Variants in SORCS1 observed in about 807,000 individuals in gnomAD.
SORCS1 encodes the protein sortilin related VPS10 domain containing receptor 1.
Under a neutral mutation model 146.1 loss-of-function variants are expected in SORCS1, and 60 were observed. The ratio of observed to expected loss-of-function variants is 0.41; its 90% CI spans 0.33 to 0.51. The LOEUF is 0.51. SORCS1 is among the 20% of genes least tolerant of loss of function. The probability of loss-of-function intolerance (pLI) is 0.21; values close to 1 mark genes in which losing one functional copy is unlikely to be tolerated. For missense variants in SORCS1, 1,352 were observed against 1,487.6 expected, an observed-to-expected ratio of 0.91 and a Z score of 1.50; for synonymous variants, 637 against 584.0, an observed-to-expected ratio of 1.09 and a Z score of -1.31.
At chr10:107,100,006 T>C (rs1231809545) in intron 1 of SORCS1, among the ~76,000 whole-genome samples, 1 of 152,208 alleles carries the variant, frequency 6.6e-6, no homozygotes, top group Admixed American at 6.5e-5. Flanking sequence ...CATTTGCACA[T>C]GCAGAAAGGG....
chr10:107,059,682 T>G (rs1960990239), intron 1 of SORCS1, among the ~76,000 whole-genome samples: 2 of 152,090 alleles, frequency 1.3e-5, no homozygotes, highest in South Asian at 2.1e-4. Flanking sequence ...TGTTTAGGGC[T>G]TTGACTATGA....
intron 1 of SORCS1, among the ~76,000 whole-genome samples, chr10:107,147,532 C>T (rs766332007): frequency 5.9e-5 from 9 of 152,086 alleles, no homozygotes; most frequent in Non-Finnish European, 1.0e-4. Flanking sequence ...TTCTCTCTCC[C>T]CTCTCTCTTC....
intron 4 of SORCS1, among the ~76,000 whole-genome samples, chr10:106,772,148 G>C (rs917894397): frequency 6.6e-6 from 1 of 152,142 alleles, no homozygotes; most frequent in Non-Finnish European, 1.5e-5. Flanking sequence ...TCCAGTGTGG[G>C]CAAGCATCAT....
chr10:106,826,148 G>A (rs1948295091), intron 3 of SORCS1, among the ~76,000 whole-genome samples: 1 of 152,248 alleles, frequency 6.6e-6, no homozygotes. Flanking sequence ...TTTCCAACAT[G>A]ATGATTGAAG....
chr10:106,678,585 G>C (rs904275273), intron 12 of SORCS1, among the ~76,000 whole-genome samples: 2 of 152,146 alleles, frequency 1.3e-5, no homozygotes, highest in Admixed American at 6.5e-5. Context: ...ATTGATTGAA[G>C]TATAACAACC....
Position 106,956,555 on chromosome 10 carries a change from T to C in SORCS1, c.584A>G (p.Tyr195Cys), listed in dbSNP as rs1267658361. Residue 195 changes from tyrosine to cysteine, a missense_variant, in exon 2 of 26, where the codon TAT (tyrosine) becomes TGT (cysteine). Tyr to Cys is a radical substitution (Grantham distance 194). Transcript: ENST00000263054. ...TGTGATGCTCCCCAGGTTATAGTCA[T>C]AGAGCTTTGTCAAAATGAGAATCAC... ...SSVILILTKLYDYNLGSITES... is the reference protein window; with the variant it reads ...SSVILILTKLCDYNLGSITES... 9 of 1,614,196 alleles carry C rather than the reference T, an allele frequency of 5.6e-6. No individual in the cohort carries two copies. The highest frequency in any genetic ancestry group is 2.2e-5 in the East Asian group (1 of 44,892).
chr10:106,782,877 C>G (rs1053350652), intron 3 of SORCS1, among the ~76,000 whole-genome samples: 1 of 152,178 alleles, frequency 6.6e-6, no homozygotes, highest in Admixed American at 6.5e-5. Flanking sequence ...TTCTGTTCCA[C>G]AGGAAGAGCC....
At chr10:106,869,743 T>A (rs1242451052) in intron 2 of SORCS1, among the ~76,000 whole-genome samples, 4 of 152,158 alleles carry the variant, frequency 2.6e-5, no homozygotes, top group Admixed American at 2.0e-4. Flanking sequence ...TCATACTGAA[T>A]GGGCAACAGC....
At chr10:107,035,328 T>C (rs187734655) in intron 1 of SORCS1, among the ~76,000 whole-genome samples, 94 of 151,324 alleles carry the variant, frequency 6.2e-4, no homozygotes, top group African/African-American at 2.1e-3. Flanking sequence ...CGCATGGTTC[T>C]CTTTGGAGGA....
chr10:106,668,914 C>A (rs1310647916), intron 16 of SORCS1, among the ~76,000 whole-genome samples: 1 of 152,160 alleles, frequency 6.6e-6, no homozygotes, highest in Non-Finnish European at 1.5e-5. Context: ...CCTTTCATTA[C>A]ACTACAGCCA....
intron 6 of SORCS1, among the ~76,000 whole-genome samples, chr10:106,724,029 A>G (rs891536445): frequency 5.3e-5 from 8 of 152,162 alleles, no homozygotes; most frequent in Admixed American, 2.6e-4. Context: ...GGCAGGTCTG[A>G]TAACTACTAC....
At chr10:107,007,260 G>A (rs954838044) in intron 1 of SORCS1, among the ~76,000 whole-genome samples, 8 of 152,212 alleles carry the variant, frequency 5.3e-5, no homozygotes, top group African/African-American at 1.9e-4. Context: ...TTTAACTGGT[G>A]CAGGATCTTG....
chr10:106,907,506 C>A (rs1951960795), intron 2 of SORCS1, among the ~76,000 whole-genome samples: 1 of 151,918 alleles, frequency 6.6e-6, no homozygotes, highest in South Asian at 2.1e-4. Flanking sequence ...ACAGTGGATT[C>A]TATATTATTT....
chr10:106,682,141 A>G (rs1445564199), intron 10 of SORCS1, among the ~76,000 whole-genome samples: 1 of 152,132 alleles, frequency 6.6e-6, no homozygotes, highest in Non-Finnish European at 1.5e-5. Context: ...TACAAAACCA[A>G]AACAAAAACA....
intron 4 of SORCS1, among the ~76,000 whole-genome samples, chr10:106,773,565 A>G (rs1860190365): frequency 6.6e-6 from 1 of 152,160 alleles, no homozygotes; most frequent in African/African-American, 2.4e-5. Context: ...TTCCAGTATG[A>G]TTTATCCTTC....
At chr10:107,164,934 G>A (rs1485654890), upstream of SORCS1, among the ~76,000 whole-genome samples, 1 of 149,446 alleles carries the variant, frequency 6.7e-6, no homozygotes, top group East Asian at 2.0e-4. The surrounding 1 kb of genome is among the most constrained non-coding windows in gnomAD (Gnocchi z 6.8). Context: ...CGCTGCCGCC[G>A]CCTCTCCCCG....
intron 2 of SORCS1, among the ~76,000 whole-genome samples, chr10:106,907,765 A>G (rs936662837): frequency 6.6e-6 from 1 of 152,060 alleles, no homozygotes; most frequent in Non-Finnish European, 1.5e-5. Context: ...TGTCTCTACC[A>G]AAAATACAAA....
At chr10:107,081,798 A>G (rs1170966764) in intron 1 of SORCS1, among the ~76,000 whole-genome samples, 3 of 152,248 alleles carry the variant, frequency 2.0e-5, no homozygotes, top group South Asian at 2.1e-4. Context: ...TCCTCTGGCT[A>G]TCTCAGTCAT....
At chr10:107,017,422 T>C (rs1488181153) in intron 1 of SORCS1, among the ~76,000 whole-genome samples, 1 of 152,184 alleles carries the variant, frequency 6.6e-6, no homozygotes, top group East Asian at 1.9e-4. Flanking sequence ...ATAGTGTGTA[T>C]AATTCTATTT....
Sources: allele counts gnomAD v4.1 joint callset (sites outside exome capture counted in the v4.1 genomes callset), GRCh38; gene constraint gnomAD v4.1.1; non-coding constraint Gnocchi (gnomAD v3.1); transcripts MANE v1.5; gene names NCBI Gene and HGNC (gene_info 2026-07-23, HGNC 2026-07-21).